Variants in USP9Y observed in about 807,000 individuals in gnomAD.
USP9Y encodes the protein ubiquitin carboxyl-terminal hydrolase 9Y.
In USP9Y, 41 loss-of-function variants were observed where a neutral mutation model predicts 53.1. The ratio of observed to expected loss-of-function variants is 0.77; its 90% CI spans 0.60 to 1.00. USP9Y has a LOEUF of 1.00. USP9Y is among the 50% of genes least tolerant of loss of function. The probability of loss-of-function intolerance (pLI) is 0.00; values close to 1 mark genes in which losing one functional copy is unlikely to be tolerated. For missense variants in USP9Y, 567 were observed against 535.8 expected, an observed-to-expected ratio of 1.06 and a Z score of -0.58; for synonymous variants, 220 against 173.7, an observed-to-expected ratio of 1.27 and a Z score of -2.09.
At chrY:12,850,411 CT>C (rs34829543) in intron 42 of USP9Y, among the ~76,000 whole-genome samples, 13 of 28,297 alleles carry the variant, frequency 4.6e-4, no homozygotes, top group Admixed American at 1.6e-3. Context: ...GGATTCATGA[CT>C]TTTTTTTTTT....
chrY:12,857,775 G>A, intron 45 of USP9Y, 114 bp downstream of exon 45: 1 of 182,206 alleles, frequency 5.5e-6, no homozygotes, highest in Non-Finnish European at 9.7e-6. Context: ...TCTGTACCTG[G>A]CTGATATTTA....
At chrY:12,796,917 C>G (rs2053513384) in intron 27 of USP9Y, among the ~76,000 whole-genome samples, 1 of 33,193 alleles carries the variant, frequency 3.0e-5, no homozygotes, top group South Asian at 6.9e-4. Flanking sequence ...CAACCTCTGT[C>G]TCGTCCTTTG....
At chrY:12,735,397 C>A in intron 7 of USP9Y, among the ~76,000 whole-genome samples, 1 of 32,911 alleles carries the variant, frequency 3.0e-5, no homozygotes, top group African/African-American at 1.2e-4. Flanking sequence ...TGTGCTGTGT[C>A]CAGCTGAAAG....
chrY:12,842,849 T>G, intron 38 of USP9Y, among the ~76,000 whole-genome samples: 1 of 33,018 alleles, frequency 3.0e-5, no homozygotes, highest in Non-Finnish European at 7.5e-5. Flanking sequence ...GCCAGGGCTT[T>G]TTGTTTGTTT....
intron 16 of USP9Y, among the ~76,000 whole-genome samples, chrY:12,771,765 TG>T (rs2053486122): frequency 3.1e-5 from 1 of 32,601 alleles, no homozygotes; most frequent in African/African-American, 1.2e-4. Flanking sequence ...ACATAAAGTC[TG>T]TTTTTTTTTT....
chrY:12,839,724 C>T, intron 35 of USP9Y, 140 bp from the exon 36 acceptor site: 2 of 177,815 alleles, frequency 1.1e-5, no homozygotes, highest in East Asian at 2.2e-4. Context: ...CATAATTACC[C>T]TGATGGTATT....
intron 33 of USP9Y, among the ~76,000 whole-genome samples, chrY:12,832,693 C>T (rs2053551593): frequency 3.0e-5 from 1 of 33,473 alleles, no homozygotes; most frequent in Non-Finnish European, 7.4e-5. Context: ...ATATGCTTTC[C>T]TGTATGTAAT....
rs767441144 is a variant in USP9Y, at chrY:12,860,413, G to C, written c.*997G>C. On this transcript the variant is annotated 3_prime_UTR_variant, in exon 46 of 46. Coordinates refer to ENST00000338981, the MANE Select transcript of USP9Y (RefSeq NM_004654.4). ...AAGTTTCTAAAACTTTGCTTCTCCTGATCCCGGTGAAGTGTACATCATAAG... is the reference window on the plus strand; with the variant it reads ...AAGTTTCTAAAACTTTGCTTCTCCTCATCCCGGTGAAGTGTACATCATAAG... 5.3e-4 allele frequency: 17 copies of C among 31,786 alleles called. No individual in the cohort carries two copies. Among genetic ancestry groups the C allele is most frequent in the African/African-American group, 2.1e-3 (17 of 8,160 alleles). The allele number at this position is 31,786 out of a possible 400,897, so 7.9% of individuals were successfully genotyped here. A position where few individuals can be genotyped will look rare whatever the true frequency, so the allele number is the denominator to read the frequency against.
chrY:12,825,470 C>G (rs2053545171), intron 33 of USP9Y, among the ~76,000 whole-genome samples: 1 of 32,440 alleles, frequency 3.1e-5, no homozygotes, highest in African/African-American at 1.2e-4. Flanking sequence ...AGGTATCTAG[C>G]AGTTGGTATC....
chrY:12,843,330 T>C, intron 39 of USP9Y, 137 bp downstream of exon 39: 1 of 140,805 alleles, frequency 7.1e-6, no homozygotes, highest in Non-Finnish European at 1.3e-5. Flanking sequence ...TTAAAATGCA[T>C]TGCAAATTTT....
intron 22 of USP9Y, among the ~76,000 whole-genome samples, chrY:12,780,413 C>T (rs2053497658): frequency 3.1e-5 from 1 of 32,692 alleles, no homozygotes; most frequent in Non-Finnish European, 7.5e-5. Flanking sequence ...ACAGCCTTTC[C>T]TTTGGTGGTC....
At chrY:12,771,016 A>G (rs376112410) in intron 15 of USP9Y, 52 bp from the exon 16 acceptor site, 6 of 258,201 alleles carry the variant, frequency 2.3e-5, no homozygotes, top group Non-Finnish European at 3.7e-5. Flanking sequence ...ACCTAAGTCA[A>G]TAATGTTGTG....
At chrY:12,768,880 A>G in intron 15 of USP9Y, among the ~76,000 whole-genome samples, 2 of 33,272 alleles carry the variant, frequency 6.0e-5, no homozygotes, top group African/African-American at 2.3e-4. Flanking sequence ...ATATAAACAG[A>G]GATACCTGTA....
intron 31 of USP9Y, among the ~76,000 whole-genome samples, chrY:12,813,872 G>A: frequency 5.9e-5 from 2 of 33,782 alleles, no homozygotes; most frequent in African/African-American, 2.3e-4. Flanking sequence ...TCTGGAATGC[G>A]ATGGCGCCAT....
intron 15 of USP9Y, 42 bp downstream of exon 15, chrY:12,760,659 T>C: frequency 2.6e-6 from 1 of 383,055 alleles, no homozygotes; most frequent in Non-Finnish European, 3.7e-6. Context: ...GAATCAACTT[T>C]GTTTTGCTCT....
chrY:12,702,655 A>C, intron 1 of USP9Y, among the ~76,000 whole-genome samples: 1 of 33,692 alleles, frequency 3.0e-5, no homozygotes, highest in Non-Finnish European at 7.3e-5. Flanking sequence ...CTGCAAAACA[A>C]TATTGTGGAG....
intron 42 of USP9Y, among the ~76,000 whole-genome samples, chrY:12,855,195 G>A (rs2053574742): frequency 8.8e-5 from 3 of 33,982 alleles, no homozygotes; most frequent in African/African-American, 3.4e-4. Flanking sequence ...GAAATTTCAA[G>A]TTATTTTTCT....
chrY:12,729,436 GTTTTTATTTT>G (rs2053445442), intron 7 of USP9Y, among the ~76,000 whole-genome samples: 1 of 32,998 alleles, frequency 3.0e-5, no homozygotes, highest in Non-Finnish European at 7.5e-5. Context: ...GGATTTTTCA[GTTTTTATTTT>G]TTTTTATTTT....
chrY:12,836,316 G>A, intron 34 of USP9Y, among the ~76,000 whole-genome samples: 1 of 33,320 alleles, frequency 3.0e-5, no homozygotes, highest in Non-Finnish European at 7.4e-5. Flanking sequence ...TTTTTACCTC[G>A]TCATGAATTA....
Sources: gnomAD v4.1 joint callset for allele counts (sites outside exome capture counted in the v4.1 genomes callset) on GRCh38, gnomAD v4.1.1 for gene constraint, MANE v1.5 for transcripts, NCBI Gene and HGNC (gene_info 2026-07-23, HGNC 2026-07-21) for gene names.